The following KIAA0586 variants were observed in gnomAD, a reference collection of about 807,000 sequenced individuals.
KIAA0586 encodes KIAA0586.
KIAA0586 carries 144 observed loss-of-function variants against 169.8 expected under a neutral mutation model. The ratio of observed to expected loss-of-function variants is 0.85; its 90% CI spans 0.74 to 0.97. The LOEUF (loss-of-function observed/expected upper bound fraction) is 0.97, where lower values mean the gene tolerates loss of function less well. KIAA0586 is among the 50% of genes least tolerant of loss of function. KIAA0586 has a pLI of 0.00. For synonymous variants in KIAA0586, 625 were observed against 612.4 expected, an observed-to-expected ratio of 1.02 and a Z score of -0.30; for missense variants, 1,854 against 1,823.0, an observed-to-expected ratio of 1.02 and a Z score of -0.31.
In KIAA0586 at chr14:58,512,642, T is replaced by TA. The variant is rs1172944698; in HGVS notation, c.4429+16dup. The TA allele has an allele frequency of 8.0e-7, 1 of 1,254,684 alleles. No homozygotes were observed. The highest frequency in any genetic ancestry group is 1.1e-6 in the Non-Finnish European group (1 of 910,154). 77.7% of individuals were successfully genotyped at this position (1,254,684 alleles called of 1,614,324 possible). A position where few individuals can be genotyped will look rare whatever the true frequency, so the allele number is the denominator to read the frequency against. On this transcript the variant is annotated intron_variant, in intron 29 of 30. Coordinates refer to ENST00000652326, the MANE Select transcript of KIAA0586 (RefSeq NM_001329943.3). ...ACAGCAACAAGGTAAGACTTGTTTTTATGTAATAATACAATAGTTTGATAC... is the reference window on the plus strand; with the variant it reads ...ACAGCAACAAGGTAAGACTTGTTTTTAATGTAATAATACAATAGTTTGATAC...
chr14:58,516,051 G>A (rs2044729636), intron 29 of KIAA0586, among the ~76,000 whole-genome samples: 2 of 152,138 alleles, frequency 1.3e-5, no homozygotes, highest in South Asian at 4.1e-4. Context: ...CATGGTTACA[G>A]GAAGAGACAC....
At chr14:58,465,062 C>G (rs1254747228) in intron 14 of KIAA0586, among the ~76,000 whole-genome samples, 1 of 151,748 alleles carries the variant, frequency 6.6e-6, no homozygotes, top group Non-Finnish European at 1.5e-5. Context: ...GAGTGAGACT[C>G]CATCTAAAAA....
chr14:58,468,108 C>T (rs1161544155), intron 16 of KIAA0586, among the ~76,000 whole-genome samples, 186 bp downstream of exon 16: 1 of 152,164 alleles, frequency 6.6e-6, no homozygotes, highest in African/African-American at 2.4e-5. Context: ...GGCAATGGCG[C>T]AATCTCGGCT....
chr14:58,532,135 TAACA>T (rs2046012801), intron 29 of KIAA0586, among the ~76,000 whole-genome samples: 1 of 151,750 alleles, frequency 6.6e-6, no homozygotes, highest in African/African-American at 2.4e-5. Context: ...TGTACCTATG[TAACA>T]AACCTGCACG....
At position 58,432,405 on chromosome 14, in the gene KIAA0586, T is replaced by C. The variant is rs771184794; in HGVS notation, c.358T>C (p.Ser120Pro). The change falls in exon 4 of 31, where the codon TCT becomes CCT. Residue 120 changes from serine (S) to proline (P), a missense_variant. Ser to Pro is a moderately conservative substitution (Grantham distance 74, BLOSUM62 -1). Transcript: ENST00000652326. The stretch of plus-strand genomic sequence containing the variant: ...TTTTGCAGCAAATGACATCTTCATT[T>C]CTCAGTATACAATGGGACAGAAAGA... The part of the protein sequence containing the change: ...NKQKANDIFI[S>P]QYTMGQKDAL... 1 of 1,554,862 alleles carries C rather than the reference T, an allele frequency of 6.4e-7. No homozygotes were observed. Among genetic ancestry groups the C allele is most frequent in the Non-Finnish European group, 8.7e-7 (1 of 1,151,626 alleles).
At chr14:58,436,776 A>G (rs974428910) in intron 4 of KIAA0586, among the ~76,000 whole-genome samples, 7 of 152,210 alleles carry the variant, frequency 4.6e-5, no homozygotes, top group Admixed American at 2.6e-4. Context: ...TGGAAAAGCA[A>G]AAACAAAAAT....
At chr14:58,536,947 A>C (rs777414346) in intron 29 of KIAA0586, 4 of 1,045,528 alleles carry the variant, frequency 3.8e-6, no homozygotes, top group Non-Finnish European at 5.1e-6. Flanking sequence ...AGATCAAATA[A>C]TTCCAAAATT....
intron 27 of KIAA0586, among the ~76,000 whole-genome samples, chr14:58,503,651 G>A (rs2043734161): frequency 6.6e-6 from 1 of 152,076 alleles, no homozygotes; most frequent in Non-Finnish European, 1.5e-5. Flanking sequence ...GTATAGGATG[G>A]AGGTACAGGT....
intron 26 of KIAA0586, among the ~76,000 whole-genome samples, chr14:58,493,390 G>T (rs1406329310): frequency 6.6e-6 from 1 of 152,118 alleles, no homozygotes; most frequent in East Asian, 1.9e-4. Flanking sequence ...GGAAATTCCA[G>T]GTAGAAATAT....
At chr14:58,472,155 A>G (rs1326193621) in intron 17 of KIAA0586, 44 bp from the exon 18 acceptor site, 17 of 981,008 alleles carry the variant, frequency 1.7e-5, no homozygotes, top group Non-Finnish European at 2.6e-5. Flanking sequence ...ATAAATTTTA[A>G]AAGTGTTAAG....
chr14:58,482,744 A>C, intron 21 of KIAA0586, 32 bp downstream of exon 21: 2 of 1,406,126 alleles, frequency 1.4e-6, no homozygotes, highest in Non-Finnish European at 9.7e-7. Context: ...TTTATTGAAG[A>C]ATAGTAAAAT....
chr14:58,507,012 G>A (rs771315752), intron 27 of KIAA0586, among the ~76,000 whole-genome samples: 1 of 151,742 alleles, frequency 6.6e-6, no homozygotes, highest in African/African-American at 2.4e-5. Flanking sequence ...TCCAAGTGTG[G>A]TAGCGCACAC....
the KIAA0586 span, among the ~76,000 whole-genome samples, chr14:58,561,719 G>T: frequency 3.3e-5 from 5 of 152,294 alleles, 1 homozygote. Flanking sequence ...AACTCAAATT[G>T]CATTGTTCCT....
At chr14:58,510,800 A>C (rs1483335835) in intron 28 of KIAA0586, among the ~76,000 whole-genome samples, 1 of 152,108 alleles carries the variant, frequency 6.6e-6, no homozygotes, top group Admixed American at 6.5e-5. Context: ...AAAGGCATGA[A>C]CTATGAATAC....
intron 29 of KIAA0586, among the ~76,000 whole-genome samples, chr14:58,526,246 C>G (rs2045577566): frequency 6.6e-6 from 1 of 152,176 alleles, no homozygotes; most frequent in Non-Finnish European, 1.5e-5. Context: ...GTCGCTGACC[C>G]CCATGCCTCC....
intron 27 of KIAA0586, among the ~76,000 whole-genome samples, chr14:58,507,939 C>T (rs2141422622): frequency 6.6e-6 from 1 of 152,196 alleles, no homozygotes; most frequent in African/African-American, 2.4e-5. Context: ...TGCCATGCCA[C>T]CACACCCAGC....
intron 29 of KIAA0586, among the ~76,000 whole-genome samples, chr14:58,526,468 C>T (rs1161180702): frequency 2.6e-5 from 4 of 152,024 alleles, no homozygotes; most frequent in African/African-American, 9.7e-5. Flanking sequence ...AGCAGAGGGG[C>T]GTGAATGGTA....
intron 20 of KIAA0586, among the ~76,000 whole-genome samples, chr14:58,478,557 C>T (rs899413690): frequency 1.3e-5 from 2 of 152,126 alleles, no homozygotes; most frequent in African/African-American, 2.4e-5. Context: ...ATCTCAAACT[C>T]CTGGCCTCAA....
At position 58,442,848 on chromosome 14, in the gene KIAA0586, G is replaced by C. The variant is rs528925110; in HGVS notation, c.553G>C (p.Ala185Pro). Reference sequence around the variant, plus strand: ...TACAACCGTGGCTGCAGCAACTGCTGCTGCCATTGCAACCGCAGCTCCGTT... The same window carrying C: ...TACAACCGTGGCTGCAGCAACTGCTCCTGCCATTGCAACCGCAGCTCCGTT... ...SATTVAAATA[A>P]AIATAAPLIK... The change falls in exon 5 of 31, where the codon GCT becomes CCT. Residue 185 changes from alanine (A) to proline (P), a missense_variant. Transcript: ENST00000652326. The C allele has an allele frequency of 1.9e-6, 3 of 1,608,978 alleles. No homozygotes were observed. The highest frequency in any genetic ancestry group is 2.5e-6 in the Non-Finnish European group (3 of 1,178,132).
Sources: allele counts gnomAD v4.1 joint callset (sites outside exome capture counted in the v4.1 genomes callset), GRCh38; gene constraint gnomAD v4.1.1; transcripts MANE v1.5; gene names NCBI Gene and HGNC (gene_info 2026-07-23, HGNC 2026-07-21).